The following FGF2 variants were observed in gnomAD, a reference collection of about 807,000 sequenced individuals.
FGF2 encodes the protein basic fibroblast growth factor bFGF.
FGF2 carries 13 observed loss-of-function variants against 15.9 expected under a neutral mutation model. The ratio of observed to expected loss-of-function variants is 0.82; its 90% CI spans 0.53 to 1.30. FGF2 has a LOEUF of 1.30. FGF2 is among the 50% of genes most tolerant of loss of function. The pLI, the probability that FGF2 is intolerant of heterozygous loss-of-function variation, is 0.00. For missense variants in FGF2, 163 were observed against 196.9 expected (o/e 0.83, Z 1.03); for synonymous variants, 90 against 78.4 (o/e 1.15, Z -0.78).
At chr4:122,877,616 G>T (rs779345067) in intron 2 of FGF2, among the ~76,000 whole-genome samples, 1 of 152,216 alleles carries the variant, frequency 6.6e-6, no homozygotes, top group Non-Finnish European at 1.5e-5. Context: ...TCCTGTCTCC[G>T]TGAGGGAGTA....
chr4:122,872,910 A>G (rs1356472343), intron 1 of FGF2, among the ~76,000 whole-genome samples: 1 of 152,238 alleles, frequency 6.6e-6, no homozygotes, highest in Non-Finnish European at 1.5e-5. Flanking sequence ...GGTACCAGTC[A>G]CTGCAAAAAA....
chr4:122,828,137 T>C (rs1179241911), intron 1 of FGF2, among the ~76,000 whole-genome samples: 3 of 152,378 alleles, frequency 2.0e-5, no homozygotes, highest in African/African-American at 7.2e-5. Context: ...TTTTGCTTTC[T>C]GTAAGAAACA....
At chr4:122,837,184 C>A (rs73844938) in intron 1 of FGF2, among the ~76,000 whole-genome samples, 1 of 152,168 alleles carries the variant, frequency 6.6e-6, no homozygotes, top group Non-Finnish European at 1.5e-5. Context: ...ATCTGAAAAA[C>A]TCTTAAGAGG....
intron 1 of FGF2, among the ~76,000 whole-genome samples, chr4:122,858,975 G>C (rs1301353264): frequency 6.6e-6 from 1 of 152,170 alleles, no homozygotes; most frequent in Non-Finnish European, 1.5e-5. Flanking sequence ...TTTTGAATCA[G>C]CCAGAAGTTA....
intron 1 of FGF2, among the ~76,000 whole-genome samples, chr4:122,863,753 T>C (rs984682022): frequency 2.0e-5 from 3 of 152,160 alleles, no homozygotes; most frequent in East Asian, 3.9e-4. Flanking sequence ...TTGGAAGGAG[T>C]TGGCTTACAC....
chr4:122,859,703 C>T (rs1726423799), intron 1 of FGF2, among the ~76,000 whole-genome samples: 3 of 152,024 alleles, frequency 2.0e-5, no homozygotes, highest in Admixed American at 6.5e-5. Context: ...TGTTTCCCAT[C>T]GTACAGGTGA....
chr4:122,885,704 A>G (rs187624981), intron 2 of FGF2, among the ~76,000 whole-genome samples: 2 of 152,220 alleles, frequency 1.3e-5, no homozygotes, highest in Admixed American at 6.5e-5. Flanking sequence ...ATTATTAGCT[A>G]AAGTCCATAC....
intron 1 of FGF2, among the ~76,000 whole-genome samples, chr4:122,833,814 T>C (rs1193917020): frequency 6.6e-6 from 1 of 152,230 alleles, no homozygotes; most frequent in Non-Finnish European, 1.5e-5. Flanking sequence ...TAAATGAAGA[T>C]AATTATATAT....
At chr4:122,859,041 T>C (rs1017327360) in intron 1 of FGF2, among the ~76,000 whole-genome samples, 2 of 152,226 alleles carry the variant, frequency 1.3e-5, no homozygotes, top group African/African-American at 4.8e-5. Context: ...GTACTTGTTC[T>C]CTATAGACTA....
At chr4:122,857,565 A>G (rs1279424502) in intron 1 of FGF2, among the ~76,000 whole-genome samples, 1 of 152,242 alleles carries the variant, frequency 6.6e-6, no homozygotes, top group Non-Finnish European at 1.5e-5. Flanking sequence ...AAGAATCAGG[A>G]GTCACCTGAT....
chr4:122,855,016 T>G (rs1037310883), intron 1 of FGF2, among the ~76,000 whole-genome samples: 3 of 152,150 alleles, frequency 2.0e-5, no homozygotes, highest in Non-Finnish European at 4.4e-5. Flanking sequence ...CTCTGTTTTC[T>G]GTTCTGGAGC....
intron 1 of FGF2, chr4:122,840,269 G>A (rs944241310): frequency 6.6e-6 from 1 of 152,102 alleles, no homozygotes; most frequent in Non-Finnish European, 1.5e-5. Flanking sequence ...TCAGCAGTTG[G>A]ACATTGTTTT....
intron 1 of FGF2, among the ~76,000 whole-genome samples, chr4:122,872,892 G>GA (rs1313083606): frequency 6.6e-6 from 1 of 152,132 alleles, no homozygotes; most frequent in Non-Finnish European, 1.5e-5. Context: ...ATATGGAAAG[G>GA]AAAAACCGGT....
intron 1 of FGF2, among the ~76,000 whole-genome samples, chr4:122,837,560 T>G (rs1725891731): frequency 6.6e-6 from 1 of 152,188 alleles, no homozygotes; most frequent in South Asian, 2.1e-4. Flanking sequence ...TTACTTTTCT[T>G]GCCTAGATTT....
intron 1 of FGF2, among the ~76,000 whole-genome samples, chr4:122,867,750 G>A (rs1339153473): frequency 3.9e-5 from 6 of 152,174 alleles, no homozygotes; most frequent in African/African-American, 1.2e-4. Context: ...TTTAAATCAC[G>A]ATTGGTAATG....
intron 1 of FGF2, among the ~76,000 whole-genome samples, chr4:122,874,317 C>T (rs766982532): frequency 2.6e-4 from 40 of 152,144 alleles, no homozygotes; most frequent in Non-Finnish European, 5.0e-4. Context: ...ACTTCATACC[C>T]TTCATTGTTT....
At chr4:122,837,034 C>T (rs576036059) in intron 1 of FGF2, among the ~76,000 whole-genome samples, 34 of 152,280 alleles carry the variant, frequency 2.2e-4, no homozygotes, top group Admixed American at 1.9e-3. Context: ...TTACTCAGGT[C>T]TAAAACCAGT....
At chr4:122,865,061 C>T (rs1726544623) in intron 1 of FGF2, among the ~76,000 whole-genome samples, 2 of 152,068 alleles carry the variant, frequency 1.3e-5, no homozygotes, top group Non-Finnish European at 1.5e-5. Flanking sequence ...TTCAAATGTA[C>T]AGTTTTTACA....
intron 1 of FGF2, among the ~76,000 whole-genome samples, chr4:122,836,075 T>C (rs145952026): frequency 2.6e-5 from 4 of 152,336 alleles, no homozygotes; most frequent in Non-Finnish European, 5.9e-5. Flanking sequence ...TTTTCCCATA[T>C]ACTTGGTACA....
Sources: gnomAD v4.1 joint callset for allele counts (sites outside exome capture counted in the v4.1 genomes callset) on GRCh38, gnomAD v4.1.1 for gene constraint, MANE v1.5 for transcripts, NCBI Gene and HGNC (gene_info 2026-07-23, HGNC 2026-07-21) for gene names.